Variants in SLC1A7 observed in about 807,000 individuals in gnomAD.
The protein encoded by SLC1A7 is solute carrier family 1 member 7, also known as excitatory amino acid transporter 5.
A neutral mutation model predicts 47.7 loss-of-function variants in SLC1A7; 40 were observed. The observed-to-expected ratio is 0.84, with a 90% CI of 0.65 to 1.09. SLC1A7 has a LOEUF of 1.09. Ranked by LOEUF, SLC1A7 falls within the 50% of genes least tolerant of loss-of-function variation. The pLI is 0.00. For synonymous variants in SLC1A7, 323 were observed against 325.6 expected, an observed-to-expected ratio of 0.99 and a Z score of 0.09; for missense variants, 746 against 769.5, an observed-to-expected ratio of 0.97 and a Z score of 0.36.
At chr1:53,091,796 G>A (rs776310293) in intron 7 of SLC1A7, among the ~76,000 whole-genome samples, 2 of 152,176 alleles carry the variant, frequency 1.3e-5, no homozygotes, top group Non-Finnish European at 2.9e-5. Context: ...CTCCCTTAAT[G>A]TGGAGCTCAG....
chr1:53,101,130 G>A (rs1485581334), intron 5 of SLC1A7, among the ~76,000 whole-genome samples: 1 of 146,376 alleles, frequency 6.8e-6, no homozygotes, highest in African/African-American at 2.6e-5. Context: ...CACTGCCGCA[G>A]TACACTCACA....
intron 5 of SLC1A7, among the ~76,000 whole-genome samples, chr1:53,093,808 G>A (rs1385581351): frequency 1.3e-5 from 2 of 152,080 alleles, no homozygotes; most frequent in Non-Finnish European, 2.9e-5. Flanking sequence ...TCCCTGCCAA[G>A]TGCACCCCTG....
chr1:53,095,243 A>C (rs1644472244), intron 5 of SLC1A7, among the ~76,000 whole-genome samples: 2 of 151,396 alleles, frequency 1.3e-5, no homozygotes, highest in South Asian at 4.2e-4. Flanking sequence ...AGCCAGGCGC[A>C]TGCTGATGGG....
At position 53,090,816 on chromosome 1, in the gene SLC1A7, G is replaced by T. The variant is rs940642076; in HGVS notation, c.1032-10C>A. The T allele has an allele frequency of 1.1e-5, 17 of 1,603,848 alleles. No homozygotes were observed. The highest frequency in any genetic ancestry group is 1.4e-5 in the Non-Finnish European group (17 of 1,175,376). Reference sequence around the variant, plus strand: ...GGGCAGTGTGGCTGAGCTACGGTTAGAGGGGCCGGTGTCTGCCCAGCACCC... The same window carrying T: ...GGGCAGTGTGGCTGAGCTACGGTTATAGGGGCCGGTGTCTGCCCAGCACCC... On this transcript the variant is annotated splice_polypyrimidine_tract_variant and intron_variant, in intron 7 of 10. Transcript: ENST00000371494.
chr1:53,106,674 G>A (rs933304402), intron 3 of SLC1A7, among the ~76,000 whole-genome samples: 2 of 151,932 alleles, frequency 1.3e-5, no homozygotes, highest in African/African-American at 4.8e-5. Context: ...GTAAGCTGTA[G>A]CCTAGAAACA....
intron 2 of SLC1A7, among the ~76,000 whole-genome samples, chr1:53,118,146 C>G (rs1644782430): frequency 6.6e-6 from 1 of 152,224 alleles, no homozygotes; most frequent in Non-Finnish European, 1.5e-5. Context: ...GGTGTAAGGC[C>G]CTGCCCTTTG....
intron 1 of SLC1A7, among the ~76,000 whole-genome samples, chr1:53,137,462 T>C (rs896861126): frequency 3.2e-4 from 48 of 152,156 alleles, no homozygotes; most frequent in Non-Finnish European, 3.4e-4. Flanking sequence ...CATTTTGACA[T>C]CTATCAATTT....
At chr1:53,109,482 AG>A (rs546966326) in intron 3 of SLC1A7, among the ~76,000 whole-genome samples, 172 of 152,242 alleles carry the variant, frequency 1.1e-3, no homozygotes, top group Non-Finnish European at 2.0e-3. Flanking sequence ...CCTGTCTTGG[AG>A]GGTCATCCAG....
chr1:53,138,915 A>G (rs1427778443), intron 1 of SLC1A7, among the ~76,000 whole-genome samples: 1 of 152,036 alleles, frequency 6.6e-6, no homozygotes, highest in Admixed American at 6.6e-5. Flanking sequence ...TACGGTAACT[A>G]TATCTTCACT....
Position 53,088,036 on chromosome 1 carries a change from C to G in SLC1A7, c.1656G>C (p.Gln552His). 1.3e-6 allele frequency: 2 copies of G among 1,548,830 alleles called. No individual in the cohort carries two copies. The highest frequency in any genetic ancestry group is 1.8e-4 in the Middle Eastern group (1 of 5,530). Residue 552 changes from glutamine (Q) to histidine (H), a missense_variant, in exon 11 of 11, where the codon CAG becomes CAC. Coordinates refer to ENST00000371494, the MANE Select transcript of SLC1A7 (RefSeq NM_006671.6). ...AGACATTGGTCTCCAGCTCACTGATCTGGATGGTGCAGTGGTTCAGACTCG... is the reference window on the plus strand; with the variant it reads ...AGACATTGGTCTCCAGCTCACTGATGTGGATGGTGCAGTGGTTCAGACTCG... Reference protein sequence around the residue: ...PAASLNHCTIQISELETNV With the variant: ...PAASLNHCTIHISELETNV
intron 7 of SLC1A7, among the ~76,000 whole-genome samples, chr1:53,091,360 C>G (rs988504460): frequency 5.9e-5 from 9 of 152,196 alleles, no homozygotes; most frequent in Admixed American, 2.6e-4. Flanking sequence ...GGTGTGGCCC[C>G]TGTGTCTTCC....
chr1:53,142,371 C>T lies in SLC1A7; in HGVS notation c.79G>A (p.Val27Ile), dbSNP rs754615862. The part of the protein sequence containing the change: ...NGLLILSVLS[V>I]IVGCLLGFFL... Reference sequence around the variant, plus strand: ...AAGCCGAGGAGGCAGCCCACGATGACAGACAGCACAGACAGGATGAGGAGT... The same window carrying T: ...AAGCCGAGGAGGCAGCCCACGATGATAGACAGCACAGACAGGATGAGGAGT... Residue 27 changes from valine to isoleucine, a missense_variant, in exon 1 of 11, where the codon GTC (valine) becomes ATC (isoleucine). Physicochemically the swap from Val to Ile is conservative, Grantham distance 29 (BLOSUM62 3). Transcript: ENST00000371494. 2 of 1,599,168 alleles carry T rather than the reference C, an allele frequency of 1.3e-6. No individual in the cohort carries two copies. Among genetic ancestry groups the T allele is most frequent in the African/African-American group, 1.3e-5 (1 of 74,824 alleles).
Position 53,106,274 on chromosome 1 carries a change from G to C in SLC1A7, c.432-500C>G, listed in dbSNP as rs558200017. 2.1e-4 allele frequency among the ~76,000 whole-genome samples: 32 copies of C among 152,018 alleles called. 1 individual carries two copies. The highest frequency in any genetic ancestry group is 7.2e-4 in the African/African-American group (30 of 41,442). ...AACACGGGACCTCGCACATAGGTGG[G>C]CTCATTATTCTTAGTAACATATTTT... On this transcript the variant is annotated intron_variant, in intron 3 of 10. Coordinates refer to ENST00000371494, the MANE Select transcript of SLC1A7 (RefSeq NM_006671.6).
chr1:53,092,643 CA>C lies in SLC1A7; in HGVS notation c.941del (p.Leu314ArgfsTer147), dbSNP rs1407930106. 1 of 1,614,180 alleles carries C rather than the reference CA, an allele frequency of 6.2e-7. No individual in the cohort carries two copies. The highest frequency in any genetic ancestry group is 8.5e-7 in the Non-Finnish European group (1 of 1,180,020). On this transcript the variant is annotated frameshift_variant, in exon 7 of 11. Transcript: ENST00000371494. LOFTEE classifies it high-confidence loss of function. Reference sequence around the variant, plus strand: ...TCTTCTTGGTGATGAAGAAGTAGAGCAGGGGCAGGATAAAGAGCCCGTGGAG... The same window carrying C: ...TCTTCTTGGTGATGAAGAAGTAGAGCGGGGCAGGATAAAGAGCCCGTGGAG... Reference protein sequence around the residue: ...LVLHGLFILPLLYFFITKKNP... With the variant: ...LVLHGLFILPXLYFFITKKNP...
rs145258220 is a variant in SLC1A7 at position 53,132,964 on chromosome 1, T to C, written c.215+1386A>G. Among the ~76,000 whole-genome samples the C allele has an allele frequency of 1.1e-4, 17 of 152,232 alleles. No homozygotes were observed. In the East Asian group the frequency reaches 3.3e-3, roughly 29 times the overall value. On this transcript the variant is annotated intron_variant, in intron 2 of 10. Coordinates refer to ENST00000371494, the MANE Select transcript of SLC1A7 (RefSeq NM_006671.6). ...CTGGGGAGATCTCCATCTGGGGGCATTGGGCTTGTAGGTGGTATGTTAAAG... is the reference window on the plus strand; with the variant it reads ...CTGGGGAGATCTCCATCTGGGGGCACTGGGCTTGTAGGTGGTATGTTAAAG...
chr1:53,138,769 C>T (rs1645026443), intron 1 of SLC1A7, among the ~76,000 whole-genome samples: 1 of 152,204 alleles, frequency 6.6e-6, no homozygotes. Flanking sequence ...TATTCAGGGT[C>T]TCCAACACTT....
At chr1:53,107,605 A>G (rs995830324) in intron 3 of SLC1A7, among the ~76,000 whole-genome samples, 3 of 152,248 alleles carry the variant, frequency 2.0e-5, no homozygotes, top group African/African-American at 4.8e-5. Context: ...AATACAAATA[A>G]AACCACAAAG....
At chr1:53,119,103 G>T (rs1279795595) in intron 2 of SLC1A7, among the ~76,000 whole-genome samples, 2 of 152,136 alleles carry the variant, frequency 1.3e-5, no homozygotes, top group Admixed American at 1.3e-4. Flanking sequence ...GGCCTCCTCT[G>T]ACTCGTGGCT....
chr1:53,141,943 T>C (rs1376466535), intron 1 of SLC1A7, among the ~76,000 whole-genome samples: 1 of 152,138 alleles, frequency 6.6e-6, no homozygotes, highest in South Asian at 2.1e-4. Flanking sequence ...GCACGCTTCC[T>C]GGATCTCTTG....
Sources: gnomAD v4.1 joint callset for allele counts (sites outside exome capture counted in the v4.1 genomes callset) on GRCh38, gnomAD v4.1.1 for gene constraint, MANE v1.5 for transcripts, NCBI Gene and HGNC (gene_info 2026-07-23, HGNC 2026-07-21) for gene names.